Variants in SIPA1L1 observed in about 807,000 individuals in gnomAD.
SIPA1L1 encodes signal induced proliferation associated 1 like 1, also known as signal-induced proliferation-associated 1-like protein 1.
Under a neutral mutation model 162.7 loss-of-function variants are expected in SIPA1L1, and 26 were observed. That is an observed-to-expected ratio of 0.16 (90% confidence interval 0.12 to 0.22). The LOEUF (loss-of-function observed/expected upper bound fraction) is 0.22, where lower values mean the gene tolerates loss of function less well. Ranked by LOEUF, SIPA1L1 falls within the 10% of genes least tolerant of loss-of-function variation. SIPA1L1 has a pLI of 1.00. For missense variants in SIPA1L1, 1,874 were observed against 2,241.0 expected, an observed-to-expected ratio of 0.84 and a Z score of 3.31; for synonymous variants, 829 against 837.4, an observed-to-expected ratio of 0.99 and a Z score of 0.17.
intron 7 of SIPA1L1, among the ~76,000 whole-genome samples, chr14:71,634,632 T>C (rs941807741): frequency 2.9e-4 from 44 of 151,962 alleles, no homozygotes; most frequent in African/African-American, 9.6e-4. Context: ...CCAGGAAACC[T>C]ACCCTTAAAA....
intron 2 of SIPA1L1, among the ~76,000 whole-genome samples, chr14:71,364,311 T>A (rs1399014473): frequency 6.6e-6 from 1 of 152,174 alleles, no homozygotes; most frequent in East Asian, 1.9e-4. Context: ...CACATATGGT[T>A]GTAAATACAG....
At chr14:71,528,298 G>A (rs1012551568) in intron 3 of SIPA1L1, among the ~76,000 whole-genome samples, 1 of 152,140 alleles carries the variant, frequency 6.6e-6, no homozygotes, top group Non-Finnish European at 1.5e-5. Context: ...ATTGCATTGG[G>A]TTGAACAGGT....
intron 4 of SIPA1L1, among the ~76,000 whole-genome samples, chr14:71,566,485 G>A (rs1355556095): frequency 6.6e-6 from 1 of 152,188 alleles, no homozygotes; most frequent in Non-Finnish European, 1.5e-5. Context: ...GTATTATAAT[G>A]CTGTGGCATT....
chr14:71,492,946 A>G (rs955414247), intron 2 of SIPA1L1, among the ~76,000 whole-genome samples: 3 of 151,936 alleles, frequency 2.0e-5, no homozygotes, highest in East Asian at 1.9e-4. Context: ...ATTTTCATAC[A>G]TTTACCTCCT....
At chr14:71,690,731 C>G (rs188646149) in intron 13 of SIPA1L1, among the ~76,000 whole-genome samples, 120 of 152,282 alleles carry the variant, frequency 7.9e-4, no homozygotes, top group Non-Finnish European at 1.4e-3. Flanking sequence ...CCACTTCTTC[C>G]TCATTTTTAT....
chr14:71,686,958 A>G (rs1389367048), intron 13 of SIPA1L1, among the ~76,000 whole-genome samples: 1 of 152,196 alleles, frequency 6.6e-6, no homozygotes, highest in Non-Finnish European at 1.5e-5. Context: ...CACGTAAATC[A>G]TCACCGCTCC....
chr14:71,653,680 T>C (rs1303990427), intron 8 of SIPA1L1, among the ~76,000 whole-genome samples: 2 of 152,204 alleles, frequency 1.3e-5, no homozygotes, highest in African/African-American at 2.4e-5. Flanking sequence ...TCAGCTATTA[T>C]ATCATTTTTT....
At chr14:71,727,207 C>G (rs2150275858) in intron 19 of SIPA1L1, among the ~76,000 whole-genome samples, 1 of 152,190 alleles carries the variant, frequency 6.6e-6, no homozygotes, top group South Asian at 2.1e-4. Flanking sequence ...TGCCAGTGCT[C>G]TCAGGTATAT....
At position 71,446,916 on chromosome 14, in the gene SIPA1L1, T is replaced by TG. The variant is rs1446260239; in HGVS notation, c.-464-65827_-464-65826insG. On this transcript the variant is annotated intron_variant, in intron 2 of 23. Transcript: ENST00000381232. ...TCTGTTTTTTTTTTTGTTTTTTTTT[T>TG]TTTTTTTTTTTTTGAGACAGGCCCT... 5.3e-4 allele frequency among the ~76,000 whole-genome samples: 67 copies of TG among 127,326 alleles called. 2 individuals carry two copies. The highest frequency in any genetic ancestry group is 1.8e-3 in the African/African-American group (54 of 30,818). 83.5% of individuals were successfully genotyped at this position (127,326 alleles called of 152,430 possible). A position where few individuals can be genotyped will look rare whatever the true frequency, so the allele number is the denominator to read the frequency against.
At chr14:71,570,550 C>T (rs2031780690) in intron 4 of SIPA1L1, among the ~76,000 whole-genome samples, 1 of 152,044 alleles carries the variant, frequency 6.6e-6, no homozygotes, top group Non-Finnish European at 1.5e-5. Context: ...CAGGTGTGAG[C>T]CACTGTGCTT....
intron 2 of SIPA1L1, among the ~76,000 whole-genome samples, chr14:71,381,367 T>C (rs981728196): frequency 6.6e-6 from 1 of 152,162 alleles, no homozygotes; most frequent in African/African-American, 2.4e-5. Flanking sequence ...ATGACTTATT[T>C]AATGAGTTTG....
At chr14:71,589,613 C>T (rs1024418959) in intron 5 of SIPA1L1, among the ~76,000 whole-genome samples, 1 of 151,944 alleles carries the variant, frequency 6.6e-6, no homozygotes, top group Non-Finnish European at 1.5e-5. Flanking sequence ...ATAAAAAGCC[C>T]CTTTGACTTA....
At chr14:71,721,130 T>A (rs983038083) in intron 17 of SIPA1L1, among the ~76,000 whole-genome samples, 2 of 152,202 alleles carry the variant, frequency 1.3e-5, no homozygotes, top group African/African-American at 4.8e-5. Flanking sequence ...GTTGTGATCT[T>A]AGTTTGTGGT....
chr14:71,704,960 G>T, intron 15 of SIPA1L1: 2 of 627,752 alleles, frequency 3.2e-6, no homozygotes, highest in East Asian at 2.7e-5. Context: ...TTGCTGCGTT[G>T]TTCATGGCCT....
intron 5 of SIPA1L1, among the ~76,000 whole-genome samples, chr14:71,589,608 A>C (rs1251971396): frequency 6.6e-6 from 1 of 152,212 alleles, no homozygotes; most frequent in Non-Finnish European, 1.5e-5. Flanking sequence ...TACAAATAAA[A>C]AGCCCCTTTG....
intron 16 of SIPA1L1, among the ~76,000 whole-genome samples, chr14:71,707,304 T>A (rs1428378463): frequency 1.3e-5 from 2 of 152,340 alleles, no homozygotes; most frequent in East Asian, 3.9e-4. Flanking sequence ...TAAGCCAGCA[T>A]ATGGAAAGAG....
intron 2 of SIPA1L1, among the ~76,000 whole-genome samples, chr14:71,489,919 T>C (rs1451218511): frequency 6.6e-6 from 1 of 152,180 alleles, no homozygotes; most frequent in East Asian, 1.9e-4. Context: ...TTATCATATG[T>C]TGCAACTTAA....
chr14:71,724,240 T>C (rs577109872), intron 18 of SIPA1L1, among the ~76,000 whole-genome samples: 6 of 152,286 alleles, frequency 3.9e-5, no homozygotes, highest in African/African-American at 1.4e-4. Context: ...ACTAGGCCAG[T>C]AGGCACCAGA....
rs1027926934 is a variant in SIPA1L1, at chr14:71,665,491, G to A, written c.2255+4024G>A. ...CAGTCTCTATTGTTTTATTTGTATC[G>A]TTGCAGTGACCTTAATTATCTGATC... On this transcript the variant is annotated intron_variant, in intron 10 of 23. Transcript: ENST00000381232. Among the ~76,000 whole-genome samples, 5 of 152,018 alleles carry A rather than the reference G, an allele frequency of 3.3e-5. No individual in the cohort carries two copies. In the East Asian group the frequency reaches 9.6e-4, roughly 29 times the overall value.
Sources: gnomAD v4.1 joint callset for allele counts (sites outside exome capture counted in the v4.1 genomes callset) on GRCh38, gnomAD v4.1.1 for gene constraint, MANE v1.5 for transcripts, NCBI Gene and HGNC (gene_info 2026-07-23, HGNC 2026-07-21) for gene names.